Variants in NRXN1 observed in about 807,000 individuals in gnomAD.
The protein encoded by NRXN1 is neurexin-1.
NRXN1 carries 39 observed loss-of-function variants against 150.9 expected under a neutral mutation model. The ratio of observed to expected loss-of-function variants is 0.26; its 90% CI spans 0.20 to 0.34. The LOEUF is 0.34. Ranked by LOEUF, NRXN1 falls within the 10% of genes least tolerant of loss-of-function variation. The pLI is 1.00. For synonymous variants in NRXN1, 924 were observed against 757.0 expected (o/e 1.22, Z -3.62); for missense variants, 1,815 against 1,949.9 (o/e 0.93, Z 1.30).
At chr2:50,944,094 C>A (rs1162797327) in intron 2 of NRXN1, among the ~76,000 whole-genome samples, 1 of 152,110 alleles carries the variant, frequency 6.6e-6, no homozygotes, top group Non-Finnish European at 1.5e-5. Flanking sequence ...ACTTGTAGAT[C>A]TTATTTTAGA....
At chr2:50,136,796 G>GT (rs1558953211) in intron 18 of NRXN1, among the ~76,000 whole-genome samples, 1 of 152,126 alleles carries the variant, frequency 6.6e-6, no homozygotes, top group Admixed American at 6.5e-5. Context: ...TTATTTATTT[G>GT]TTATGGTCCC....
rs763074682 is a variant in NRXN1 at position 51,028,300 on chromosome 2, G to A, written c.-27C>T. On this transcript the variant is annotated 5_prime_UTR_variant, in exon 2 of 23. Coordinates refer to ENST00000401669, the MANE Select transcript of NRXN1 (RefSeq NM_001330078.2). Reference sequence around the variant, plus strand: ...CTCGGGGCTGGGGTGCGGCGGGGGGGTGCCGGGGCCGACAGGGTCAAAATG... The same window carrying A: ...CTCGGGGCTGGGGTGCGGCGGGGGGATGCCGGGGCCGACAGGGTCAAAATG... 16 of 1,407,814 alleles carry A rather than the reference G, an allele frequency of 1.1e-5. No individual in the cohort carries two copies. Among genetic ancestry groups the A allele is most frequent in the Admixed American group, 8.8e-5 (3 of 34,278 alleles). 87.2% of individuals were successfully genotyped at this position (1,407,814 alleles called of 1,614,324 possible).
At chr2:50,951,379 C>T (rs1691309648) in intron 2 of NRXN1, among the ~76,000 whole-genome samples, 1 of 152,122 alleles carries the variant, frequency 6.6e-6, no homozygotes, top group Non-Finnish European at 1.5e-5. Flanking sequence ...ACAGTATGCT[C>T]ATTGAGCTTT....
intron 5 of NRXN1, among the ~76,000 whole-genome samples, chr2:50,865,668 T>TTTTTTTTTTTTTG (rs1676815163): frequency 7.5e-6 from 1 of 132,566 alleles, no homozygotes; most frequent in African/African-American, 2.7e-5. Context: ...GTTTTTTTTT[T>TTTTTTTTTTTTTG]TTTTTTTTTT....
intron 17 of NRXN1, among the ~76,000 whole-genome samples, chr2:50,315,114 C>A (rs940587023): frequency 6.6e-6 from 1 of 151,866 alleles, no homozygotes; most frequent in Non-Finnish European, 1.5e-5. Context: ...CCATAACGAC[C>A]ACAATAAACA....
At chr2:51,022,412 C>A (rs967162041) in intron 2 of NRXN1, among the ~76,000 whole-genome samples, 11 of 152,222 alleles carry the variant, frequency 7.2e-5, no homozygotes, top group Admixed American at 6.5e-4. Context: ...CTCTGCACTA[C>A]AACTGCATCT....
intron 8 of NRXN1, among the ~76,000 whole-genome samples, chr2:50,612,994 C>T (rs932368761): frequency 2.0e-5 from 3 of 152,088 alleles, no homozygotes; most frequent in Admixed American, 6.6e-5. Context: ...TCAATATTTC[C>T]GAGATCTAGA....
chr2:50,084,104 T>G (rs1698398569), intron 19 of NRXN1, among the ~76,000 whole-genome samples: 1 of 152,228 alleles, frequency 6.6e-6, no homozygotes, highest in South Asian at 2.1e-4. Flanking sequence ...CTGATTGCTG[T>G]GTTTACAATC....
At chr2:50,032,580 A>G (rs1353720049) in intron 21 of NRXN1, among the ~76,000 whole-genome samples, 1 of 152,048 alleles carries the variant, frequency 6.6e-6, no homozygotes, top group East Asian at 1.9e-4. Context: ...TGTTCTATGG[A>G]CTAAACTGTG....
rs1039674193 is a variant in NRXN1, at chr2:50,480,717, T to C, written c.3071-8246A>G. 3.9e-5 allele frequency among the ~76,000 whole-genome samples: 6 copies of C among 152,216 alleles called. No individual in the cohort carries two copies. In the East Asian group the frequency reaches 1.2e-3, roughly 29 times the overall value. ...TTTGTAGCTTCTATTTCTTGGCTCC[T>C]TGTCAGCCACAGGTGTTCCTGATGC... On this transcript the variant is annotated intron_variant, in intron 15 of 22. Coordinates refer to ENST00000401669, the MANE Select transcript of NRXN1 (RefSeq NM_001330078.2).
At chr2:50,363,709 A>T (rs1382443267) in intron 17 of NRXN1, among the ~76,000 whole-genome samples, 1 of 152,226 alleles carries the variant, frequency 6.6e-6, no homozygotes, top group Non-Finnish European at 1.5e-5. Context: ...TAGAACTAGG[A>T]ATACCATTTG....
At chr2:49,926,323 C>T (rs990511144) in intron 22 of NRXN1, 6 of 398,262 alleles carry the variant, frequency 1.5e-5, no homozygotes, top group African/African-American at 1.0e-4. Flanking sequence ...TTTAATCCTT[C>T]CTCTCTCTTC....
intron 19 of NRXN1, among the ~76,000 whole-genome samples, chr2:50,074,116 G>A (rs1006054358): frequency 7.2e-5 from 11 of 151,980 alleles, no homozygotes; most frequent in African/African-American, 2.7e-4. Context: ...CAGATTTTTT[G>A]AGGAAGAAAT....
At chr2:49,994,572 C>T (rs374783815) in intron 21 of NRXN1, among the ~76,000 whole-genome samples, 1 of 152,222 alleles carries the variant, frequency 6.6e-6, no homozygotes, top group South Asian at 2.1e-4. Flanking sequence ...ATACAAGTAT[C>T]TCAGAGATCA....
At chr2:50,509,001 A>C (rs1419363834) in intron 12 of NRXN1, among the ~76,000 whole-genome samples, 2 of 152,192 alleles carry the variant, frequency 1.3e-5, no homozygotes, top group Non-Finnish European at 2.9e-5. Flanking sequence ...CTAAAAAAGA[A>C]GTTGGGGGTT....
chr2:50,566,859 G>A (rs1275614963), intron 8 of NRXN1, among the ~76,000 whole-genome samples: 1 of 152,058 alleles, frequency 6.6e-6, no homozygotes, highest in African/African-American at 2.4e-5. Context: ...ATTCAGCCCT[G>A]GTTCTGGGCA....
At chr2:50,869,382 A>G (rs914821044) in intron 5 of NRXN1, among the ~76,000 whole-genome samples, 12 of 151,742 alleles carry the variant, frequency 7.9e-5, no homozygotes, top group African/African-American at 2.9e-4. Flanking sequence ...GTAATTCTCA[A>G]AATTTTTCCT....
intron 5 of NRXN1, among the ~76,000 whole-genome samples, chr2:50,787,130 C>A (rs1705236965): frequency 6.6e-6 from 1 of 152,124 alleles, no homozygotes; most frequent in African/African-American, 2.4e-5. Flanking sequence ...ATATTGCCAT[C>A]TCCATCTTTG....
intron 21 of NRXN1, among the ~76,000 whole-genome samples, chr2:50,040,676 T>C (rs1472944448): frequency 6.6e-6 from 1 of 152,106 alleles, no homozygotes; most frequent in Non-Finnish European, 1.5e-5. Context: ...TGTGCTTGCT[T>C]TATATTAATG....
Sources: allele counts gnomAD v4.1 joint callset (sites outside exome capture counted in the v4.1 genomes callset), GRCh38; gene constraint gnomAD v4.1.1; transcripts MANE v1.5; gene names NCBI Gene and HGNC (gene_info 2026-07-23, HGNC 2026-07-21).